Variants in LDB2 observed in about 807,000 individuals in gnomAD.
LDB2 encodes LIM domain binding 2, also known as LIM domain-binding protein 2.
A neutral mutation model predicts 44.3 loss-of-function variants in LDB2; 12 were observed. The ratio of observed to expected loss-of-function variants is 0.27; its 90% CI spans 0.17 to 0.44. LDB2 has a LOEUF of 0.44. Ranked by LOEUF, LDB2 falls within the 20% of genes least tolerant of loss-of-function variation. LDB2 has a pLI of 1.00. For missense variants in LDB2, 344 were observed against 473.5 expected, an observed-to-expected ratio of 0.73 and a Z score of 2.54; for synonymous variants, 164 against 174.8, an observed-to-expected ratio of 0.94 and a Z score of 0.49.
intron 2 of LDB2, among the ~76,000 whole-genome samples, chr4:16,668,519 C>T (rs1379387318): frequency 2.0e-5 from 3 of 152,210 alleles, no homozygotes; most frequent in Non-Finnish European, 2.9e-5. Context: ...TTTCTGTTCA[C>T]ATGCCATGAA....
chr4:16,588,675 A>AG, intron 4 of LDB2, 35 bp downstream of exon 4: 1 of 1,606,430 alleles, frequency 6.2e-7, no homozygotes, highest in Non-Finnish European at 8.5e-7. Flanking sequence ...AGGAAAAAAA[A>AG]GAAAAGAAAG....
intron 2 of LDB2, among the ~76,000 whole-genome samples, chr4:16,745,338 T>G (rs1397655393): frequency 1.3e-5 from 2 of 152,170 alleles, no homozygotes; most frequent in Admixed American, 6.5e-5. Flanking sequence ...GCGGGGAGAC[T>G]GCGGGGATTT....
chr4:16,660,257 G>T (rs1214388377), intron 2 of LDB2, among the ~76,000 whole-genome samples: 3 of 152,152 alleles, frequency 2.0e-5, no homozygotes, highest in Admixed American at 6.5e-5. Flanking sequence ...TCTCACAATT[G>T]TAGAGAAGGC....
At chr4:16,516,019 A>G (rs1723561298) in intron 5 of LDB2, among the ~76,000 whole-genome samples, 1 of 151,892 alleles carries the variant, frequency 6.6e-6, no homozygotes, top group South Asian at 2.1e-4. Flanking sequence ...GCCCGCCACC[A>G]CGCCCAGCTA....
At chr4:16,635,052 A>G (rs1483652016) in intron 2 of LDB2, among the ~76,000 whole-genome samples, 3 of 152,162 alleles carry the variant, frequency 2.0e-5, no homozygotes, top group Admixed American at 2.0e-4. Context: ...CAGAAAACCA[A>G]ACACCACATG....
chr4:16,835,999 G>C (rs1456606614), intron 1 of LDB2, among the ~76,000 whole-genome samples: 1 of 152,144 alleles, frequency 6.6e-6, no homozygotes, highest in Non-Finnish European at 1.5e-5. Flanking sequence ...AATTTCTTTG[G>C]TGTAAATACT....
intron 5 of LDB2, among the ~76,000 whole-genome samples, chr4:16,536,334 C>T (rs881790): frequency 6.6e-6 from 1 of 152,022 alleles, no homozygotes; most frequent in Non-Finnish European, 1.5e-5. Flanking sequence ...CCTGCTTTAT[C>T]GTAAATGTCT....
chr4:16,702,338 G>A (rs1187454289), intron 2 of LDB2, among the ~76,000 whole-genome samples: 3 of 152,172 alleles, frequency 2.0e-5, no homozygotes, highest in African/African-American at 7.2e-5. Context: ...TTCCTAAGAA[G>A]GACCCATGAA....
chr4:16,536,516 AACAG>A (rs1471202310), intron 5 of LDB2, among the ~76,000 whole-genome samples: 1 of 152,200 alleles, frequency 6.6e-6, no homozygotes, highest in Non-Finnish European at 1.5e-5. Context: ...CTTCAGGGGA[AACAG>A]ACAAAGGACC....
chr4:16,752,509 C>A, intron 2 of LDB2: 1 of 428,800 alleles, frequency 2.3e-6, no homozygotes, highest in Non-Finnish European at 4.6e-6. Flanking sequence ...AACCAGAGTT[C>A]TTCCCACTAT....
chr4:16,892,554 GT>G (rs1272774353), intron 1 of LDB2, among the ~76,000 whole-genome samples: 1 of 152,106 alleles, frequency 6.6e-6, no homozygotes. Context: ...AAAAGACATT[GT>G]TTTCCCAGGT....
At chr4:16,693,898 G>A (rs1015194358) in intron 2 of LDB2, among the ~76,000 whole-genome samples, 5 of 152,140 alleles carry the variant, frequency 3.3e-5, no homozygotes, top group South Asian at 2.1e-4. Context: ...CCCTCTCAGC[G>A]AAGGAAAGTG....
intron 2 of LDB2, among the ~76,000 whole-genome samples, chr4:16,621,645 TG>T (rs1728914082): frequency 6.6e-6 from 1 of 152,192 alleles, no homozygotes. Context: ...CCTGAACTCC[TG>T]GGCTCAAACA....
intron 1 of LDB2, among the ~76,000 whole-genome samples, chr4:16,861,879 T>A (rs745463597): frequency 1.3e-5 from 2 of 152,182 alleles, no homozygotes; most frequent in Non-Finnish European, 2.9e-5. Context: ...CCCGAACCTA[T>A]ACACCTGCGG....
chr4:16,544,957 C>T (rs530596031), intron 5 of LDB2, among the ~76,000 whole-genome samples: 15 of 152,066 alleles, frequency 9.9e-5, no homozygotes, highest in Admixed American at 2.0e-4. Context: ...GAAATGTGTG[C>T]GCCGAATCCT....
Position 16,874,777 on chromosome 4 carries a change from T to A in LDB2, c.132+23577A>T, listed in dbSNP as rs376968824. Among the ~76,000 whole-genome samples the A allele has an allele frequency of 2.6e-4, 39 of 152,338 alleles. No homozygotes were observed. The South Asian group carries it at 7.9e-3, about 31-fold the overall frequency. ...CTACGTGGAAAATCGTGGACAACCA[T>A]GAGTTGAAGAACAATTCTAAACCAT... On this transcript the variant is annotated intron_variant, in intron 1 of 7. Coordinates refer to ENST00000304523, the MANE Select transcript of LDB2 (RefSeq NM_001290.5).
chr4:16,559,925 C>T (rs1267263007), intron 5 of LDB2, among the ~76,000 whole-genome samples: 1 of 152,168 alleles, frequency 6.6e-6, no homozygotes. Context: ...CTCAAAACCG[C>T]TCAACTACAT....
intron 2 of LDB2, among the ~76,000 whole-genome samples, chr4:16,650,990 A>C (rs1738122403): frequency 6.6e-6 from 1 of 152,234 alleles, no homozygotes; most frequent in African/African-American, 2.4e-5. Flanking sequence ...CAGTATCAGC[A>C]ACTTTCCTCC....
intron 7 of LDB2, chr4:16,506,514 C>T (rs1317517873): frequency 6.5e-6 from 1 of 152,836 alleles, no homozygotes. Flanking sequence ...GCTATATCCT[C>T]TTTCAAATGA....
Sources: gnomAD v4.1 joint callset for allele counts (sites outside exome capture counted in the v4.1 genomes callset) on GRCh38, gnomAD v4.1.1 for gene constraint, MANE v1.5 for transcripts, NCBI Gene and HGNC (gene_info 2026-07-23, HGNC 2026-07-21) for gene names.